GALNT13: variants seen among roughly 807,000 people sequenced by gnomAD.
GALNT13 encodes UDP-GalNAc:polypeptide N-acetylgalactosaminyltransferase 13.
Under a neutral mutation model 64.2 loss-of-function variants are expected in GALNT13, and 28 were observed. The observed-to-expected ratio is 0.44, with a 90% CI of 0.32 to 0.60. The LOEUF is 0.60. GALNT13 is among the 20% of genes least tolerant of loss of function. GALNT13 has a pLI of 0.05. For synonymous variants in GALNT13, 214 were observed against 224.6 expected, an observed-to-expected ratio of 0.95 and a Z score of 0.42; for missense variants, 577 against 669.8, an observed-to-expected ratio of 0.86 and a Z score of 1.53.
chr2:153,883,220 A>G (rs1311801301), intron 1 of GALNT13, among the ~76,000 whole-genome samples: 1 of 151,600 alleles, frequency 6.6e-6, no homozygotes, highest in Non-Finnish European at 1.5e-5. Flanking sequence ...TTAAGGGAAA[A>G]TTTGTGATTT....
chr2:153,538,446 T>C, the GALNT13 span, among the ~76,000 whole-genome samples: 1 of 136,022 alleles, frequency 7.4e-6, no homozygotes, highest in Non-Finnish European at 1.6e-5. Flanking sequence ...ATTGTGCAGG[T>C]TAGTTACATA....
rs80224068 is a variant in GALNT13, at chr2:153,966,952, A to G, written c.142+22313A>G. On this transcript the variant is annotated intron_variant, in intron 3 of 12. Transcript: ENST00000392825. ...TTTTCACCCCTGACTGTATATTTTCATACAGTCTATCTTCAAGTTTACTAA... is the reference window on the plus strand; with the variant it reads ...TTTTCACCCCTGACTGTATATTTTCGTACAGTCTATCTTCAAGTTTACTAA... 6.5e-3 allele frequency among the ~76,000 whole-genome samples: 985 copies of G among 151,974 alleles called. 8 individuals are homozygous for G. Among genetic ancestry groups the G allele is most frequent in the African/African-American group, 0.022 (914 of 41,458 alleles).
the GALNT13 span, among the ~76,000 whole-genome samples, chr2:153,686,468 A>G: frequency 6.6e-6 from 1 of 151,234 alleles, no homozygotes; most frequent in East Asian, 1.9e-4. Flanking sequence ...AAGGCATGTT[A>G]GTGATTTTTG....
the GALNT13 span, among the ~76,000 whole-genome samples, chr2:153,193,663 A>AC: frequency 1.4e-4 from 21 of 151,518 alleles, no homozygotes; most frequent in South Asian, 4.2e-3. Context: ...AAAAAAAAAA[A>AC]CTTTTGAATC....
At chr2:154,013,426 G>A (rs1696780279) in intron 3 of GALNT13, among the ~76,000 whole-genome samples, 1 of 152,102 alleles carries the variant, frequency 6.6e-6, no homozygotes, top group Non-Finnish European at 1.5e-5. Context: ...AATGCTGGCT[G>A]AAGCGCTTCG....
intron 7 of GALNT13, among the ~76,000 whole-genome samples, chr2:154,248,825 C>A (rs1438844648): frequency 6.6e-6 from 1 of 152,132 alleles, no homozygotes; most frequent in African/African-American, 2.4e-5. Flanking sequence ...GGTCATTTGA[C>A]ATTTGTCAAT....
chr2:153,275,105 C>G, the GALNT13 span, among the ~76,000 whole-genome samples: 1 of 152,172 alleles, frequency 6.6e-6, no homozygotes, highest in African/African-American at 2.4e-5. Flanking sequence ...TTTCCCTGTA[C>G]TGCCCCACTT....
chr2:154,211,637 AAAAAAAAAAAAAAAAAAAG>A (rs1159331198), intron 4 of GALNT13, among the ~76,000 whole-genome samples: 5 of 147,136 alleles, frequency 3.4e-5, no homozygotes, highest in African/African-American at 1.3e-4. Flanking sequence ...TCCAAAAAAA[AAAAAAAAAAAAAAAAAAAG>A]AAAAGAAAAG....
the GALNT13 span, among the ~76,000 whole-genome samples, chr2:153,565,304 C>G: frequency 2.6e-5 from 4 of 152,088 alleles, no homozygotes; most frequent in African/African-American, 9.7e-5. Flanking sequence ...ACTATGTGAT[C>G]TCAGTAATGG....
chr2:153,771,664 G>T, the GALNT13 span, among the ~76,000 whole-genome samples: 1 of 152,160 alleles, frequency 6.6e-6, no homozygotes, highest in African/African-American at 2.4e-5. Flanking sequence ...AAAAGGAGGG[G>T]CACCTCAGGC....
At chr2:153,456,980 GT>G in the GALNT13 span, among the ~76,000 whole-genome samples, 1 of 152,182 alleles carries the variant, frequency 6.6e-6, no homozygotes, top group Non-Finnish European at 1.5e-5. Flanking sequence ...AGCAGATCTG[GT>G]GCTGTCACAG....
the GALNT13 span, among the ~76,000 whole-genome samples, chr2:153,228,701 C>T: frequency 0.01 from 1,562 of 151,840 alleles, 29 homozygotes; most frequent in African/African-American, 0.035. Flanking sequence ...GATGAAACCC[C>T]GTCTCTACTA....
chr2:154,417,524 T>TATTTA (rs1559143591), intron 11 of GALNT13, among the ~76,000 whole-genome samples: 7 of 150,052 alleles, frequency 4.7e-5, no homozygotes, highest in Admixed American at 1.3e-4. Flanking sequence ...TTTATTTATT[T>TATTTA]TTTTGAGGCG....
the GALNT13 span, among the ~76,000 whole-genome samples, chr2:153,865,398 C>T: frequency 4.4e-4 from 63 of 142,336 alleles, no homozygotes; most frequent in Non-Finnish European, 7.2e-4. Flanking sequence ...AGAAAATTTT[C>T]GCAGCCTACT....
chr2:153,610,151 T>C, the GALNT13 span, among the ~76,000 whole-genome samples: 1 of 152,120 alleles, frequency 6.6e-6, no homozygotes, highest in Non-Finnish European at 1.5e-5. Flanking sequence ...AGTTGGTGAA[T>C]AAAGAAATTG....
chr2:153,968,616 G>A (rs1693537422), intron 3 of GALNT13, among the ~76,000 whole-genome samples: 1 of 152,172 alleles, frequency 6.6e-6, no homozygotes, highest in Admixed American at 6.5e-5. Flanking sequence ...GTTCCTGTGG[G>A]CAACAATCTC....
chr2:153,366,702 T>A, the GALNT13 span, among the ~76,000 whole-genome samples: 2 of 130,834 alleles, frequency 1.5e-5, no homozygotes, highest in Admixed American at 8.4e-5. Context: ...TGAAACAGGG[T>A]CAATACCAGC....
the GALNT13 span, among the ~76,000 whole-genome samples, chr2:153,529,529 AGAG>A: frequency 1.3e-5 from 2 of 152,092 alleles, no homozygotes; most frequent in East Asian, 3.8e-4. Context: ...TCCAAAAAAT[AGAG>A]GAGGAGGGAT....
intron 9 of GALNT13, among the ~76,000 whole-genome samples, chr2:154,370,721 G>C (rs1350294198): frequency 6.6e-6 from 1 of 152,060 alleles, no homozygotes; most frequent in Admixed American, 6.6e-5. Context: ...GTGTCAAATA[G>C]GCAGACTTAT....
Sources: allele counts gnomAD v4.1 joint callset (sites outside exome capture counted in the v4.1 genomes callset), GRCh38; gene constraint gnomAD v4.1.1; transcripts MANE v1.5; gene names NCBI Gene and HGNC (gene_info 2026-07-23, HGNC 2026-07-21).